The following DAPK2 variants were observed in gnomAD, a reference collection of about 807,000 sequenced individuals.
DAPK2 encodes death associated protein kinase 2.
In DAPK2, 35 loss-of-function variants were observed where a neutral mutation model predicts 44.1. The ratio of observed to expected loss-of-function variants is 0.79; its 90% CI spans 0.61 to 1.05. The LOEUF (loss-of-function observed/expected upper bound fraction) is 1.05. Ranked by LOEUF, DAPK2 falls within the 50% of genes least tolerant of loss-of-function variation. The pLI, the probability that DAPK2 is intolerant of heterozygous loss-of-function variation, is 0.00. For missense variants in DAPK2, 453 were observed against 483.2 expected (o/e 0.94, Z 0.59); for synonymous variants, 174 against 182.6 (o/e 0.95, Z 0.38).
intron 1 of DAPK2, among the ~76,000 whole-genome samples, chr15:64,027,453 A>G (rs1221189153): frequency 2.0e-5 from 3 of 152,026 alleles, no homozygotes. Context: ...GTCCCAGCTC[A>G]AGAGGCTGAG....
At chr15:64,024,776 G>T (rs928087041) in intron 1 of DAPK2, among the ~76,000 whole-genome samples, 1 of 152,208 alleles carries the variant, frequency 6.6e-6, no homozygotes, top group African/African-American at 2.4e-5. Flanking sequence ...CCACACCACA[G>T]CCCTGAGCAG....
chr15:63,961,050 A>G (rs902189030), intron 3 of DAPK2, among the ~76,000 whole-genome samples: 14 of 152,290 alleles, frequency 9.2e-5, no homozygotes, highest in African/African-American at 3.4e-4. Flanking sequence ...TTGCATATAT[A>G]TTTAGGATCG....
chr15:63,992,095 G>A (rs1189418497), intron 1 of DAPK2, among the ~76,000 whole-genome samples: 1 of 152,040 alleles, frequency 6.6e-6, no homozygotes, highest in Non-Finnish European at 1.5e-5. Context: ...GCCAAGCTGG[G>A]CTAAAGTATG....
chr15:63,932,110 T>C (rs1379976481), intron 4 of DAPK2, among the ~76,000 whole-genome samples: 4 of 143,772 alleles, frequency 2.8e-5, no homozygotes, highest in African/African-American at 1.0e-4. Flanking sequence ...GAGGTTGCAG[T>C]GAGCTGAGAT....
chr15:63,974,785 T>C (rs1457930267), intron 2 of DAPK2, among the ~76,000 whole-genome samples: 3 of 152,196 alleles, frequency 2.0e-5, no homozygotes, highest in African/African-American at 7.2e-5. Flanking sequence ...TTTCAAAATA[T>C]GTCAAAAGAT....
intron 1 of DAPK2, among the ~76,000 whole-genome samples, chr15:63,998,625 A>G (rs1212302581): frequency 6.6e-6 from 1 of 152,164 alleles, no homozygotes; most frequent in Non-Finnish European, 1.5e-5. Flanking sequence ...GACCCAGGGG[A>G]ATCCCCAGGA....
chr15:63,929,865 T>C (rs1388776582), intron 5 of DAPK2: 2 of 582,568 alleles, frequency 3.4e-6, no homozygotes, highest in Non-Finnish European at 3.3e-6. Context: ...CTCGGAGCCC[T>C]TCCCCCCTTG....
intron 3 of DAPK2, among the ~76,000 whole-genome samples, chr15:63,945,145 A>C (rs1371405066): frequency 6.6e-6 from 1 of 152,126 alleles, no homozygotes; most frequent in African/African-American, 2.4e-5. Flanking sequence ...GATTACAGAC[A>C]TGAGCCACCC....
intron 3 of DAPK2, among the ~76,000 whole-genome samples, chr15:63,948,619 C>T (rs1462518399): frequency 6.6e-6 from 1 of 152,134 alleles, no homozygotes; most frequent in Non-Finnish European, 1.5e-5. Context: ...TAGGTGGGGA[C>T]ACAGATCCAA....
intron 1 of DAPK2, among the ~76,000 whole-genome samples, chr15:64,038,731 A>G (rs2080278408): frequency 6.6e-6 from 1 of 152,156 alleles, no homozygotes; most frequent in African/African-American, 2.4e-5. Context: ...TAAGAGTTCT[A>G]TAAAGGGAAA....
intron 1 of DAPK2, among the ~76,000 whole-genome samples, chr15:64,000,188 CACACACA>C (rs1453357259): frequency 6.4e-5 from 3 of 46,606 alleles, no homozygotes; most frequent in Non-Finnish European, 1.9e-4. Flanking sequence ...ACTACTACTA[CACACACA>C]CACACACACA....
Position 63,912,203 on chromosome 15 carries a change from A to C in DAPK2, c.859-6T>G. ...GCTTGCTGGTTGTCCACCGGCTGAG[A>C]GACAAAGCAGAGCATGGCAGCTGAT... On this transcript the variant is annotated splice_polypyrimidine_tract_variant and splice_region_variant and intron_variant, in intron 8 of 10. Transcript: ENST00000261891. This position sits in a 1 kb window ranked among gnomAD's most constrained non-coding sequence, Gnocchi z 4.4. The C allele has an allele frequency of 6.2e-7, 1 of 1,613,860 alleles. No individual in the cohort carries two copies. Among genetic ancestry groups the C allele is most frequent in the Non-Finnish European group, 8.5e-7 (1 of 1,179,984 alleles).
At chr15:64,030,202 C>T (rs1003553268) in intron 1 of DAPK2, among the ~76,000 whole-genome samples, 3 of 152,034 alleles carry the variant, frequency 2.0e-5, no homozygotes, top group Non-Finnish European at 4.4e-5. Context: ...GCAGGAGAAT[C>T]GCTTGAACCC....
intron 4 of DAPK2, among the ~76,000 whole-genome samples, chr15:63,937,108 G>A (rs559786688): frequency 2.6e-4 from 39 of 152,118 alleles, no homozygotes; most frequent in Non-Finnish European, 5.4e-4. Context: ...TCAAAGGAAT[G>A]GTGGGAGCAG....
intron 1 of DAPK2, among the ~76,000 whole-genome samples, chr15:64,035,550 C>A (rs772330579): frequency 6.6e-6 from 1 of 152,168 alleles, no homozygotes; most frequent in Non-Finnish European, 1.5e-5. Flanking sequence ...ACCACCAGAC[C>A]CCACCCTGGT....
chr15:63,930,446 A>T, exon 5 of DAPK2: 1 of 1,614,212 alleles, frequency 6.2e-7, no homozygotes, highest in Non-Finnish European at 8.5e-7. Context: ...GTAGTTCACA[A>T]TTTCTGGAGC....
intron 2 of DAPK2, among the ~76,000 whole-genome samples, chr15:63,981,658 T>G (rs2078518375): frequency 6.6e-6 from 1 of 151,996 alleles, no homozygotes. Context: ...CTGCTTAGTT[T>G]TTTTTTTTTC....
At chr15:63,981,857 G>A (rs542995996) in intron 2 of DAPK2, among the ~76,000 whole-genome samples, 2 of 152,190 alleles carry the variant, frequency 1.3e-5, no homozygotes, top group Admixed American at 6.5e-5. Flanking sequence ...GGGAGCTAGC[G>A]AAGGGAAGAG....
upstream of DAPK2, among the ~76,000 whole-genome samples, chr15:64,042,451 A>C (rs1159126037): frequency 6.6e-6 from 1 of 152,194 alleles, no homozygotes; most frequent in East Asian, 1.9e-4. This position sits in a 1 kb window ranked among gnomAD's most constrained non-coding sequence, Gnocchi z 4.7. Context: ...AACTCCAAAA[A>C]AATTCTGTTG....
Sources: gnomAD v4.1 joint callset for allele counts (sites outside exome capture counted in the v4.1 genomes callset) on GRCh38, gnomAD v4.1.1 for gene constraint, Gnocchi (gnomAD v3.1) non-coding constraint, MANE v1.5 for transcripts, NCBI Gene and HGNC (gene_info 2026-07-23, HGNC 2026-07-21) for gene names.